Variants in MSL2 observed in about 807,000 individuals in gnomAD.
MSL2 encodes the protein MSL complex subunit 2, also known as E3 ubiquitin-protein ligase MSL2.
MSL2 carries 2 observed loss-of-function variants against 35.8 expected under a neutral mutation model. The observed-to-expected ratio is 0.06, with a 90% CI of 0.02 to 0.18. The LOEUF (loss-of-function observed/expected upper bound fraction) is 0.18, where lower values mean the gene tolerates loss of function less well. MSL2 is among the 10% of genes least tolerant of loss of function. The probability of loss-of-function intolerance (pLI) is 1.00; values close to 1 mark genes in which losing one functional copy is unlikely to be tolerated. For missense variants in MSL2, 523 were observed against 706.7 expected, an observed-to-expected ratio of 0.74 and a Z score of 2.95; for synonymous variants, 296 against 255.7, an observed-to-expected ratio of 1.16 and a Z score of -1.50.
rs1323520326 is a variant in MSL2, at chr3:136,151,475, T to C, written c.1406A>G (p.Gln469Arg). The change falls in exon 2 of 2, where the codon CAA becomes CGA. Residue 469 changes from glutamine (Q) to arginine (R), a missense_variant. Gln to Arg is a conservative substitution (Grantham distance 43). This residue lies in a region of MSL2 where 16 missense variants were observed against 86.1 expected (regional missense o/e 0.19). Coordinates refer to ENST00000309993, the MANE Select transcript of MSL2 (RefSeq NM_018133.4). This position sits in a 1 kb window ranked among gnomAD's most constrained non-coding sequence, Gnocchi z 5.2. ...KKGCKCGRAT[Q>R]NPSVLTCRGQ... Reference sequence around the variant, plus strand: ...TCGGCATGTAAGAACACTTGGATTTTGAGTAGCACGCCCACATTTACACCC... The same window carrying C: ...TCGGCATGTAAGAACACTTGGATTTCGAGTAGCACGCCCACATTTACACCC... 2 of 1,614,258 alleles carry C rather than the reference T, an allele frequency of 1.2e-6. No homozygotes were observed. The highest frequency in any genetic ancestry group is 1.6e-4 in the Middle Eastern group (1 of 6,062).
intron 1 of MSL2, chr3:136,153,048 A>C (rs754374896): frequency 1.0e-6 from 1 of 985,280 alleles, no homozygotes; most frequent in Non-Finnish European, 1.2e-6. Context: ...AAAGAGGTGA[A>C]GATCAGACAC....
intron 1 of MSL2, among the ~76,000 whole-genome samples, chr3:136,187,433 T>C (rs1394684020): frequency 6.6e-6 from 1 of 151,530 alleles, no homozygotes; most frequent in Non-Finnish European, 1.5e-5. Context: ...GAGGTCGAGG[T>C]GGGAGGATGA....
intron 1 of MSL2, among the ~76,000 whole-genome samples, chr3:136,193,550 C>A (rs2108101037): frequency 6.6e-6 from 1 of 151,668 alleles, no homozygotes; most frequent in African/African-American, 2.4e-5. Flanking sequence ...TCCATTTCCT[C>A]AGTCCTCAAA....
chr3:136,161,809 A>C (rs1939713878), intron 1 of MSL2, among the ~76,000 whole-genome samples: 1 of 152,190 alleles, frequency 6.6e-6, no homozygotes, highest in South Asian at 2.1e-4. Context: ...ATAACACTTT[A>C]AGACAAGGCA....
At chr3:136,156,562 T>C (rs1211865516) in intron 1 of MSL2, among the ~76,000 whole-genome samples, 4 of 152,204 alleles carry the variant, frequency 2.6e-5, no homozygotes, top group Non-Finnish European at 4.4e-5. Context: ...CCCAACAAGA[T>C]GGCTTAATAA....
intron 1 of MSL2, among the ~76,000 whole-genome samples, chr3:136,163,164 C>T (rs1939757255): frequency 6.6e-6 from 1 of 152,106 alleles, no homozygotes; most frequent in African/African-American, 2.4e-5. Context: ...AAGGCTACGG[C>T]AGGAGAACTG....
At chr3:136,186,925 A>C (rs1280118506) in intron 1 of MSL2, among the ~76,000 whole-genome samples, 6 of 152,176 alleles carry the variant, frequency 3.9e-5, no homozygotes, top group Non-Finnish European at 8.8e-5. Flanking sequence ...GATTACTTAT[A>C]ACACCTAAAC....
intron 1 of MSL2, among the ~76,000 whole-genome samples, 162 bp downstream of exon 1, chr3:136,194,810 G>A (rs1224298329): frequency 1.3e-5 from 2 of 152,052 alleles, no homozygotes; most frequent in African/African-American, 2.4e-5. Context: ...GAAACGCCGG[G>A]CAAAAGTCCC....
rs992521286 is a variant in MSL2 at position 136,158,328 on chromosome 3, A to G, written c.143-5590T>C. ...TCAAAAAAATTAAAATTAAAAAAAA[A>G]AAAAAGAAAATACAAACCAAAATCT... On this transcript the variant is annotated intron_variant, in intron 1 of 1. Coordinates refer to ENST00000309993, the MANE Select transcript of MSL2 (RefSeq NM_018133.4). Among the ~76,000 whole-genome samples the G allele has an allele frequency of 5.3e-5, 8 of 151,958 alleles. 1 individual carries two copies. Among genetic ancestry groups the G allele is most frequent in the Non-Finnish European group, 7.4e-5 (5 of 67,994 alleles).
intron 1 of MSL2, among the ~76,000 whole-genome samples, chr3:136,188,366 A>G (rs1055165422): frequency 4.6e-5 from 7 of 151,528 alleles, no homozygotes; most frequent in African/African-American, 1.7e-4. Context: ...CCCATGAAGC[A>G]GAGGTTGCAG....
At chr3:136,174,396 A>G (rs895219342) in intron 1 of MSL2, among the ~76,000 whole-genome samples, 13 of 152,210 alleles carry the variant, frequency 8.5e-5, no homozygotes, top group African/African-American at 3.1e-4. Flanking sequence ...CTGTACTTCT[A>G]TTAAAACAGT....
chr3:136,171,014 A>G (rs1349045930), intron 1 of MSL2, among the ~76,000 whole-genome samples: 2 of 152,240 alleles, frequency 1.3e-5, no homozygotes, highest in East Asian at 3.8e-4. Context: ...ATCCCGAAAC[A>G]TGTCCTAATG....
At chr3:136,160,176 T>C (rs567508431) in intron 1 of MSL2, among the ~76,000 whole-genome samples, 4 of 145,238 alleles carry the variant, frequency 2.8e-5, no homozygotes, top group South Asian at 2.2e-4. Context: ...CTCAGGAGTC[T>C]GGGGCAGGAG....
intron 1 of MSL2, among the ~76,000 whole-genome samples, chr3:136,191,015 C>T (rs997256080): frequency 3.3e-5 from 5 of 152,160 alleles, no homozygotes; most frequent in Non-Finnish European, 5.9e-5. Flanking sequence ...AATAACAAAA[C>T]TGTAACTGCA....
intron 1 of MSL2, chr3:136,156,087 A>G (rs957298530): frequency 2.6e-5 from 7 of 266,758 alleles, no homozygotes; most frequent in Non-Finnish European, 3.0e-5. Flanking sequence ...GAAATCAGCT[A>G]TATCTCCACT....
At chr3:136,182,055 T>C (rs1348151969) in intron 1 of MSL2, among the ~76,000 whole-genome samples, 1 of 152,096 alleles carries the variant, frequency 6.6e-6, no homozygotes, top group African/African-American at 2.4e-5. Flanking sequence ...TGAAGGCAAA[T>C]TTCTCACACA....
chr3:136,172,134 C>T (rs757348457), intron 1 of MSL2, among the ~76,000 whole-genome samples: 10 of 151,724 alleles, frequency 6.6e-5, no homozygotes, highest in East Asian at 1.9e-4. Context: ...TTTCTATAAA[C>T]GTGACAAAAT....
chr3:136,162,236 C>G (rs1007371357), intron 1 of MSL2, among the ~76,000 whole-genome samples: 2 of 149,952 alleles, frequency 1.3e-5, no homozygotes, highest in South Asian at 4.2e-4. Context: ...ACACCTGGCC[C>G]TATATATGCA....
Position 136,190,265 on chromosome 3 carries a change from G to A in MSL2, c.142+4707C>T, listed in dbSNP as rs1003777758. On this transcript the variant is annotated intron_variant, in intron 1 of 1. Transcript: ENST00000309993. Reference sequence around the variant, plus strand: ...CTATCTTAGCATCTAGAACATCACAGGTGACCAATAAAGAAATAGTACAGC... The same window carrying A: ...CTATCTTAGCATCTAGAACATCACAAGTGACCAATAAAGAAATAGTACAGC... 5.3e-5 allele frequency among the ~76,000 whole-genome samples: 8 copies of A among 152,036 alleles called. No individual in the cohort carries two copies. The South Asian group carries it at 1.7e-3, about 32-fold the overall frequency.
Sources: allele counts gnomAD v4.1 joint callset (sites outside exome capture counted in the v4.1 genomes callset), GRCh38; gene constraint gnomAD v4.1.1; regional missense constraint gnomAD v4.1.1; non-coding constraint Gnocchi (gnomAD v3.1); transcripts MANE v1.5; gene names NCBI Gene and HGNC (gene_info 2026-07-23, HGNC 2026-07-21).